The following LUC7L variants were observed in gnomAD, a reference collection of about 807,000 sequenced individuals.
The protein encoded by LUC7L is putative RNA-binding protein Luc7-like 1.
Under a neutral mutation model 51.1 loss-of-function variants are expected in LUC7L, and 29 were observed. That is an observed-to-expected ratio of 0.57 (90% CI 0.42 to 0.77). LUC7L has a LOEUF of 0.77. Among genes scored for constraint, LUC7L ranks in the 30% least tolerant of loss-of-function variants. The probability of loss-of-function intolerance (pLI) is 0.00; values close to 1 mark genes in which losing one functional copy is unlikely to be tolerated. For synonymous variants in LUC7L, 181 were observed against 180.7 expected (o/e 1.00, Z -0.01); for missense variants, 403 against 511.9 (o/e 0.79, Z 2.05).
Position 229,362 on chromosome 16 carries a change from G to T in LUC7L, c.-23C>A. 2 of 1,491,906 alleles carry T rather than the reference G, an allele frequency of 1.3e-6. No individual in the cohort carries two copies. Among genetic ancestry groups the T allele is most frequent in the Middle Eastern group, 1.9e-4 (1 of 5,298 alleles). The allele number at this position is 1,491,906 out of a possible 1,614,324, so 92.4% of individuals were successfully genotyped here. On this transcript the variant is annotated 5_prime_UTR_variant, in exon 1 of 10. Transcript: ENST00000293872. ...CATGGTAGCCGGCGGAGGCGACGGGGTCGGCCGCGACGACTTCTCTCAGGC... is the reference window on the plus strand; with the variant it reads ...CATGGTAGCCGGCGGAGGCGACGGGTTCGGCCGCGACGACTTCTCTCAGGC...
chr16:192,884 C>A (rs2049046896), intron 7 of LUC7L, 43 bp downstream of exon 7: 1 of 1,521,694 alleles, frequency 6.6e-7, no homozygotes, highest in African/African-American at 1.4e-5. Flanking sequence ...CAGGGAATGC[C>A]CGAGGCCAAT....
chr16:190,162 G>T (rs1352419727), intron 8 of LUC7L, 27 bp from the exon 9 acceptor site: 1 of 1,595,982 alleles, frequency 6.3e-7, no homozygotes, highest in African/African-American at 1.3e-5. Flanking sequence ...CTCCAAGGCT[G>T]AGACTCTATA....
chr16:203,813 G>C (rs1011286955), intron 5 of LUC7L, among the ~76,000 whole-genome samples: 2 of 151,968 alleles, frequency 1.3e-5, no homozygotes, highest in Non-Finnish European at 2.9e-5. Flanking sequence ...TCAGGAGATA[G>C]AGGCCATCCT....
chr16:209,840 T>G (rs1319808421), intron 3 of LUC7L: 2 of 152,094 alleles, frequency 1.3e-5, no homozygotes, highest in Admixed American at 6.6e-5. Flanking sequence ...TCTTAAATAT[T>G]TTTTTCAAAA....
chr16:194,281 A>G (rs550473532), intron 6 of LUC7L, among the ~76,000 whole-genome samples: 1 of 151,980 alleles, frequency 6.6e-6, no homozygotes, highest in South Asian at 2.1e-4. Flanking sequence ...ATCTTTAAAC[A>G]TTTTTTATGG....
At chr16:224,275 T>G (rs1029318775) in intron 2 of LUC7L, among the ~76,000 whole-genome samples, 1 of 151,194 alleles carries the variant, frequency 6.6e-6, no homozygotes, top group African/African-American at 2.4e-5. Context: ...TCCCAGCACT[T>G]TGGGAGGCCG....
intron 7 of LUC7L, chr16:190,833 T>C (rs1343963178): frequency 4.3e-6 from 2 of 459,804 alleles, no homozygotes; most frequent in East Asian, 3.6e-5. Context: ...TGAGCTGAGA[T>C]TGTGCCACTG....
chr16:205,985 A>AG lies in LUC7L; in HGVS notation c.510+18dup. ...AATTACTAAGATTTCTCTTGCCCTA[A>AG]GGCACTTATCTCACCAACCTCAGCT... On this transcript the variant is annotated intron_variant, in intron 5 of 9. Coordinates refer to ENST00000293872, the MANE Select transcript of LUC7L (RefSeq NM_201412.3). 3.1e-6 allele frequency: 5 copies of AG among 1,604,092 alleles called. No individual in the cohort carries two copies. The Admixed American group carries it at 7.0e-5, about 23-fold the overall frequency.
At chr16:195,579 A>G (rs2049127536) in intron 6 of LUC7L, among the ~76,000 whole-genome samples, 1 of 152,160 alleles carries the variant, frequency 6.6e-6, no homozygotes, top group African/African-American at 2.4e-5. Context: ...ACACACCACC[A>G]TGCTTGGCTA....
intron 9 of LUC7L, chr16:189,669 G>GT: frequency 7.5e-7 from 1 of 1,328,816 alleles, no homozygotes; most frequent in Non-Finnish European, 9.6e-7. Context: ...CAAAACAGAG[G>GT]TAAGCAGGGC....
intron 3 of LUC7L, among the ~76,000 whole-genome samples, chr16:219,100 A>G (rs1303297792): frequency 1.3e-5 from 2 of 152,018 alleles, no homozygotes; most frequent in African/African-American, 4.8e-5. Context: ...CCTGTCTCAA[A>G]AATAAATAGG....
chr16:209,712 G>C (rs1428518695), intron 3 of LUC7L: 1 of 152,134 alleles, frequency 6.6e-6, no homozygotes, highest in Non-Finnish European at 1.5e-5. Flanking sequence ...AAAACACTAA[G>C]GGGTGATAAC....
intron 5 of LUC7L, among the ~76,000 whole-genome samples, chr16:199,999 G>A (rs2049276914): frequency 6.9e-6 from 1 of 144,162 alleles, no homozygotes; most frequent in South Asian, 2.2e-4. Context: ...AAAAAAAAAA[G>A]GTACTAACAG....
intron 5 of LUC7L, among the ~76,000 whole-genome samples, chr16:203,326 A>C (rs1332022541): frequency 6.6e-6 from 1 of 152,146 alleles, no homozygotes; most frequent in Non-Finnish European, 1.5e-5. Context: ...AATTCTCTAC[A>C]ATCGCTTTCA....
At chr16:201,148 G>A (rs1196502343) in intron 5 of LUC7L, among the ~76,000 whole-genome samples, 5 of 116,886 alleles carry the variant, frequency 4.3e-5, no homozygotes, top group East Asian at 2.7e-4. Flanking sequence ...CAGCCTGGGC[G>A]ACAGAGCGAG....
At chr16:218,000 G>A (rs1318604732) in intron 3 of LUC7L, among the ~76,000 whole-genome samples, 3 of 150,502 alleles carry the variant, frequency 2.0e-5, no homozygotes, top group Non-Finnish European at 4.4e-5. Flanking sequence ...ACTACAGCCT[G>A]GGCGACAAGA....
At position 227,226 on chromosome 16, in the gene LUC7L, C is replaced by T. The variant is rs899705062; in HGVS notation, c.156+16G>A. The T allele has an allele frequency of 1.2e-5, 20 of 1,608,162 alleles. No homozygotes were observed. Among genetic ancestry groups the T allele is most frequent in the Non-Finnish European group, 1.7e-5 (20 of 1,175,980 alleles). Reference sequence around the variant, plus strand: ...CATGTCAGAGTGTTCCATGAGGTCCCCCAAAATGCACCTACCGTCCCAGCC... The same window carrying T: ...CATGTCAGAGTGTTCCATGAGGTCCTCCAAAATGCACCTACCGTCCCAGCC... On this transcript the variant is annotated intron_variant, in intron 2 of 9. Transcript: ENST00000293872.
intron 2 of LUC7L, among the ~76,000 whole-genome samples, chr16:222,448 G>A (rs906346883): frequency 3.3e-5 from 5 of 151,896 alleles, no homozygotes; most frequent in African/African-American, 1.2e-4. Flanking sequence ...GACCAGCCTG[G>A]GCAACATAGC....
At chr16:208,473 T>G in intron 3 of LUC7L, 2 of 448,954 alleles carry the variant, frequency 4.5e-6, no homozygotes, top group Non-Finnish European at 6.7e-6. Flanking sequence ...TACAAAGAAA[T>G]TCTGAGGAAA....
Sources: allele counts gnomAD v4.1 joint callset (sites outside exome capture counted in the v4.1 genomes callset), GRCh38; gene constraint gnomAD v4.1.1; transcripts MANE v1.5; gene names NCBI Gene and HGNC (gene_info 2026-07-23, HGNC 2026-07-21).